The following FAAP20 variants were observed in gnomAD, a reference collection of about 807,000 sequenced individuals.
FAAP20 encodes the protein FA core complex associated protein 20.
A neutral mutation model predicts 16.2 loss-of-function variants in FAAP20; 12 were observed. The ratio of observed to expected loss-of-function variants is 0.74; its 90% CI spans 0.48 to 1.20. The LOEUF (loss-of-function observed/expected upper bound fraction) is 1.20. Ranked by LOEUF, FAAP20 falls within the 50% of genes most tolerant of loss-of-function variation. The probability of loss-of-function intolerance (pLI) is 0.00; values close to 1 mark genes in which losing one functional copy is unlikely to be tolerated. For missense variants in FAAP20, 288 were observed against 245.8 expected (o/e 1.17, Z -1.15); for synonymous variants, 141 against 110.7 (o/e 1.27, Z -1.72).
At position 2,189,555 on chromosome 1, in the gene FAAP20, A is replaced by C. The variant is rs1687917883; in HGVS notation, c.*154T>G. ...AAAGAAAAGCGGCAGACGTTTCATC[A>C]CAACACAGAGACAGACAGGAGCCCG... On this transcript the variant is annotated 3_prime_UTR_variant, in exon 4 of 4. Transcript: ENST00000378546. 1 of 679,010 alleles carries C rather than the reference A, an allele frequency of 1.5e-6. No homozygotes were observed. Among genetic ancestry groups the C allele is most frequent in the African/African-American group, 1.8e-5 (1 of 56,780 alleles). The allele number at this position is 679,010 out of a possible 1,614,324, so 42.1% of individuals were successfully genotyped here. A position where few individuals can be genotyped will look rare whatever the true frequency, so the allele number is the denominator to read the frequency against.
upstream of FAAP20, chr1:2,194,800 A>AGGCCCCGCCCCCGCCCC: frequency 2.4e-6 from 1 of 416,716 alleles, no homozygotes; most frequent in East Asian, 2.4e-4. Context: ...CCGCCCCTCC[A>AGGCCCCGCCCCCGCCCC]GGCCCCGCCC....
chr1:2,194,623 G>A, intron 1 of FAAP20, 65 bp downstream of exon 1: 1 of 949,504 alleles, frequency 1.1e-6, no homozygotes, highest in Non-Finnish European at 1.3e-6. Context: ...GAGGCCCGCG[G>A]GGGCGCCGGG....
downstream of FAAP20, among the ~76,000 whole-genome samples, chr1:2,207,909 C>T (rs1055359175): frequency 8.9e-5 from 13 of 145,786 alleles, no homozygotes; most frequent in East Asian, 2.2e-4. Flanking sequence ...TGGTAACACC[C>T]GTGTGTGTGT....
At chr1:2,187,461 G>T (rs917297039), downstream of FAAP20, among the ~76,000 whole-genome samples, 1 of 151,724 alleles carries the variant, frequency 6.6e-6, no homozygotes, top group Non-Finnish European at 1.5e-5. Flanking sequence ...CCTGCCCCAC[G>T]CCCGGCTAAT....
downstream of FAAP20, among the ~76,000 whole-genome samples, chr1:2,211,965 T>C (rs545206446): frequency 2.4e-4 from 35 of 143,138 alleles, no homozygotes; most frequent in African/African-American, 6.8e-4. Flanking sequence ...TGCAGTAGTG[T>C]GATCTCGGCT....
chr1:2,185,261 C>T (rs948339862), downstream of FAAP20: 1 of 715,084 alleles, frequency 1.4e-6, no homozygotes, highest in Non-Finnish European at 2.6e-6. Context: ...TCCGCGGGGA[C>T]CCTGCCGAGG....
downstream of FAAP20, chr1:2,184,566 C>G: frequency 6.2e-7 from 1 of 1,608,350 alleles, no homozygotes; most frequent in South Asian, 1.1e-5. Flanking sequence ...TGACCCTTCT[C>G]CTATTGTTTT....
At chr1:2,191,042 C>A in intron 3 of FAAP20, 1 of 153,356 alleles carries the variant, frequency 6.5e-6, no homozygotes. Context: ...CCACCCAGTG[C>A]CTTCTGAAGC....
upstream of FAAP20, among the ~76,000 whole-genome samples, chr1:2,204,863 C>A (rs999013595): frequency 7.9e-5 from 12 of 151,648 alleles, no homozygotes; most frequent in African/African-American, 2.9e-4. Context: ...GCCGGACCCT[C>A]CTCCCGGGCA....
At chr1:2,199,018 G>A, upstream of FAAP20, 2 of 1,254,638 alleles carry the variant, frequency 1.6e-6, no homozygotes, top group Non-Finnish European at 2.1e-6. This position sits in a 1 kb window ranked among gnomAD's most constrained non-coding sequence, Gnocchi z 4.5. Flanking sequence ...GTGCCTTGGT[G>A]CCCTTGGGCA....
chr1:2,189,975 G>C (rs868434950), intron 3 of FAAP20, 194 bp from the exon 4 acceptor site: 1 of 630,540 alleles, frequency 1.6e-6, no homozygotes, highest in Non-Finnish European at 2.9e-6. Flanking sequence ...TTTCCACACC[G>C]TGCCCGTGAG....
At chr1:2,203,531 T>C (rs1689127367), upstream of FAAP20, 4 of 985,722 alleles carry the variant, frequency 4.1e-6, no homozygotes, top group African/African-American at 1.7e-5. Flanking sequence ...ACAGGGAAGG[T>C]AGGCAGCTCT....
chr1:2,199,363 TCTGACGTCCCCCCG>T, upstream of FAAP20: 1 of 1,024,290 alleles, frequency 9.8e-7, no homozygotes. This position sits in a 1 kb window ranked among gnomAD's most constrained non-coding sequence, Gnocchi z 4.5. Context: ...CAGATCCTGC[TCTGACGTCCCCCCG>T]CCCGGAGAAG....
chr1:2,203,425 G>A, upstream of FAAP20: 2 of 985,784 alleles, frequency 2.0e-6, no homozygotes, highest in Non-Finnish European at 2.4e-6. Flanking sequence ...GACTGTTCCT[G>A]GCAGCCTCAC....
downstream of FAAP20, among the ~76,000 whole-genome samples, chr1:2,189,016 A>G (rs1030147689): frequency 4.1e-5 from 6 of 145,640 alleles, no homozygotes; most frequent in South Asian, 2.2e-4. Context: ...AAAAAGAAAA[A>G]AAAAAAAAAA....
intron 3 of FAAP20, chr1:2,193,234 CA>C: frequency 6.4e-6 from 2 of 313,226 alleles, no homozygotes; most frequent in Admixed American, 9.0e-5. Context: ...CGTTGGGTTT[CA>C]AAAATAAGAA....
downstream of FAAP20, among the ~76,000 whole-genome samples, chr1:2,207,909 C>CGT (rs58549960): frequency 0.064 from 9,369 of 145,332 alleles, 392 homozygotes; most frequent in East Asian, 0.14. Context: ...TGGTAACACC[C>CGT]GTGTGTGTGT....
chr1:2,192,309 G>A (rs1206739902), intron 3 of FAAP20: 5 of 986,692 alleles, frequency 5.1e-6, no homozygotes, highest in Non-Finnish European at 4.8e-6. Context: ...TCTCCCTTAC[G>A]ATCAAGTGTT....
downstream of FAAP20, chr1:2,187,234 T>G (rs1460421049): frequency 2.2e-6 from 1 of 459,912 alleles, no homozygotes; most frequent in East Asian, 7.0e-5. Context: ...ACATTATTAT[T>G]TTCATTAAAA....
Sources: gnomAD v4.1 joint callset for allele counts (sites outside exome capture counted in the v4.1 genomes callset) on GRCh38, gnomAD v4.1.1 for gene constraint, Gnocchi (gnomAD v3.1) non-coding constraint, MANE v1.5 for transcripts, NCBI Gene and HGNC (gene_info 2026-07-23, HGNC 2026-07-21) for gene names.